Variants in GCFC2 observed in about 807,000 individuals in gnomAD.
The protein encoded by GCFC2 is intron Large complex component GCFC2.
GCFC2 carries 102 observed loss-of-function variants against 99.4 expected under a neutral mutation model. The ratio of observed to expected loss-of-function variants is 1.03; its 90% CI spans 0.87 to 1.21. The LOEUF (loss-of-function observed/expected upper bound fraction) is 1.21, where lower values mean the gene tolerates loss of function less well. GCFC2 is among the 50% of genes most tolerant of loss of function. The pLI is 0.00. For missense variants in GCFC2, 973 were observed against 920.9 expected, an observed-to-expected ratio of 1.06 and a Z score of -0.73; for synonymous variants, 338 against 316.8, an observed-to-expected ratio of 1.07 and a Z score of -0.71.
chr2:75,688,666 A>G (rs551018090), intron 10 of GCFC2, among the ~76,000 whole-genome samples: 1 of 152,132 alleles, frequency 6.6e-6, no homozygotes, highest in Non-Finnish European at 1.5e-5. Flanking sequence ...CACAACCCTA[A>G]GCAACTCTTC....
chr2:75,705,575 C>G (rs1680818611), intron 2 of GCFC2, among the ~76,000 whole-genome samples: 1 of 110,548 alleles, frequency 9.0e-6, no homozygotes, highest in Admixed American at 9.2e-5. Flanking sequence ...CCAGATTGCG[C>G]CACTGCACTC....
At chr2:75,703,957 TG>T (rs751536880) in intron 2 of GCFC2, among the ~76,000 whole-genome samples, 24 of 152,162 alleles carry the variant, frequency 1.6e-4, no homozygotes, top group Non-Finnish European at 1.9e-4. Flanking sequence ...TCACAAGCAA[TG>T]GGACACACTA....
At chr2:75,701,338 T>C (rs761952673) in intron 3 of GCFC2, 51 bp from the exon 4 acceptor site, 18 of 1,065,714 alleles carry the variant, frequency 1.7e-5, no homozygotes, top group South Asian at 5.2e-5. Context: ...TCCATTTTAA[T>C]TGCAGCAAGC....
At chr2:75,694,016 T>A (rs910834886) in intron 6 of GCFC2, among the ~76,000 whole-genome samples, 1 of 152,014 alleles carries the variant, frequency 6.6e-6, no homozygotes, top group Admixed American at 6.5e-5. Flanking sequence ...GAAGAAATTA[T>A]AACAAAAATT....
intron 6 of GCFC2, among the ~76,000 whole-genome samples, chr2:75,692,527 A>G (rs1680130053): frequency 6.6e-6 from 1 of 151,952 alleles, no homozygotes; most frequent in African/African-American, 2.4e-5. Flanking sequence ...CCTGCCTTCA[A>G]TCCCAGCTAC....
chr2:75,677,483 C>T (rs958391520), intron 12 of GCFC2, among the ~76,000 whole-genome samples: 2 of 152,104 alleles, frequency 1.3e-5, no homozygotes, highest in Non-Finnish European at 2.9e-5. Flanking sequence ...TTGTGAAGAC[C>T]GGGGAGTGCT....
rs150832153 is a variant in GCFC2, at chr2:75,673,049, G to A, written c.1889+395C>T. Among the ~76,000 whole-genome samples the A allele has an allele frequency of 8.1e-4, 123 of 152,306 alleles. 2 individuals are homozygous for A. The highest frequency in any genetic ancestry group is 1.2e-3 in the Non-Finnish European group (81 of 68,028). ...TAGTTGGCCGGGCGCGGTGGCTCAC[G>A]CCTGTAATCCCAGCACTTTGGGAGG... On this transcript the variant is annotated intron_variant, in intron 13 of 16. Coordinates refer to ENST00000321027, the MANE Select transcript of GCFC2 (RefSeq NM_003203.5).
chr2:75,667,614 C>T (rs1187313291), intron 15 of GCFC2, among the ~76,000 whole-genome samples: 1 of 152,146 alleles, frequency 6.6e-6, no homozygotes, highest in Non-Finnish European at 1.5e-5. Flanking sequence ...TTTAAAACCA[C>T]CCTTTACTAT....
chr2:75,667,444 T>C (rs1224828395), intron 15 of GCFC2, among the ~76,000 whole-genome samples: 2 of 152,184 alleles, frequency 1.3e-5, no homozygotes, highest in Non-Finnish European at 2.9e-5. Flanking sequence ...CGTTCTGGAA[T>C]GCGCTCTTTC....
In GCFC2 at chr2:75,664,536, G is replaced by C. The variant is rs1215549214; in HGVS notation, c.*130C>G. Reference sequence around the variant, plus strand: ...TAAAGCACGGGGGAATACAGAGGTGGAGTCCTGCTTTTTTTCAAATCCTAC... The same window carrying C: ...TAAAGCACGGGGGAATACAGAGGTGCAGTCCTGCTTTTTTTCAAATCCTAC... On this transcript the variant is annotated 3_prime_UTR_variant, in exon 17 of 17. Coordinates refer to ENST00000321027, the MANE Select transcript of GCFC2 (RefSeq NM_003203.5). 5.5e-6 allele frequency: 3 copies of C among 546,458 alleles called. No individual in the cohort carries two copies. Among genetic ancestry groups the C allele is most frequent in the Admixed American group, 3.3e-5 (1 of 29,996 alleles). 33.9% of individuals were successfully genotyped at this position (546,458 alleles called of 1,614,324 possible). A position where few individuals can be genotyped will look rare whatever the true frequency, so the allele number is the denominator to read the frequency against.
Position 75,682,157 on chromosome 2 carries a change from C to G in GCFC2, c.1691-1843G>C, listed in dbSNP as rs58733999. ...CCTGTGTATCCTGTCTGGGAGACACCTCCCAGTAGGGGCCGACAGACACCT... is the reference window on the plus strand; with the variant it reads ...CCTGTGTATCCTGTCTGGGAGACACGTCCCAGTAGGGGCCGACAGACACCT... On this transcript the variant is annotated intron_variant, in intron 11 of 16. Coordinates refer to ENST00000321027, the MANE Select transcript of GCFC2 (RefSeq NM_003203.5). Among the ~76,000 whole-genome samples, 1,081 of 151,952 alleles carry G rather than the reference C, an allele frequency of 7.1e-3. 39 individuals carry two copies. The highest frequency in any genetic ancestry group is 0.025 in the African/African-American group (1,034 of 41,242).
chr2:75,679,612 C>T (rs1004891363), intron 12 of GCFC2, among the ~76,000 whole-genome samples: 1 of 152,160 alleles, frequency 6.6e-6, no homozygotes, highest in Non-Finnish European at 1.5e-5. Context: ...CTACAAATAA[C>T]TAGTTAATAC....
intron 2 of GCFC2, among the ~76,000 whole-genome samples, chr2:75,703,241 G>T (rs1287307563): frequency 2.0e-5 from 3 of 152,136 alleles, no homozygotes; most frequent in Non-Finnish European, 4.4e-5. Context: ...AACAGCGAGA[G>T]AAATTTTCAC....
intron 6 of GCFC2, 30 bp from the exon 7 acceptor site, chr2:75,692,130 A>C: frequency 1.8e-6 from 2 of 1,113,380 alleles, no homozygotes; most frequent in Non-Finnish European, 2.5e-6. Context: ...AACATTTTGC[A>C]GGTCATCGAT....
Position 75,663,806 on chromosome 2 carries a change from G to A in GCFC2, c.*860C>T, listed in dbSNP as rs1382690836. On this transcript the variant is annotated 3_prime_UTR_variant, in exon 17 of 17. Transcript: ENST00000321027. ...GCCCAGAAGGCAGAGGTTGCAGTGA[G>A]CCGAGATTGTGCCACTACTCTCCAG... 1 of 152,230 alleles carries A rather than the reference G, an allele frequency of 6.6e-6. No homozygotes were observed. Among genetic ancestry groups the A allele is most frequent in the African/African-American group, 2.4e-5 (1 of 41,404 alleles). The allele number at this position is 152,230 out of a possible 1,614,324, so 9.4% of individuals were successfully genotyped here.
At chr2:75,680,610 A>T (rs1679531567) in intron 11 of GCFC2, among the ~76,000 whole-genome samples, 1 of 152,136 alleles carries the variant, frequency 6.6e-6, no homozygotes, top group Non-Finnish European at 1.5e-5. Flanking sequence ...CATTAACTTG[A>T]TCACTATACA....
rs41286005 is a variant in GCFC2, at chr2:75,690,035, G to C, written c.1273C>G (p.Gln425Glu). The change falls in exon 9 of 17, where the codon CAG becomes GAG. Residue 425 changes from glutamine to glutamate, a missense_variant. Gln to Glu is a conservative substitution (Grantham distance 29). Transcript: ENST00000321027. ...TCATCATCACTAGATGTTCCTTCCT[G>C]ATGGTTACAATTCCCAGAAAGCACC... Reference protein sequence around the residue: ...ARVLSGNCNHQEGTSSDDELP... With the variant: ...ARVLSGNCNHEEGTSSDDELP... 0.04 allele frequency: 63,769 copies of C among 1,608,130 alleles called. 1,500 individuals are homozygous for C. The highest frequency in any genetic ancestry group is 0.045 in the Non-Finnish European group (52,523 of 1,176,332).
chr2:75,692,652 A>G (rs904137770), intron 6 of GCFC2, among the ~76,000 whole-genome samples: 12 of 143,034 alleles, frequency 8.4e-5, no homozygotes, highest in Admixed American at 5.5e-4. Context: ...GTCTCAAAAG[A>G]AAAAAAAAAA....
At chr2:75,712,815 C>T (rs755460594), upstream of GCFC2, among the ~76,000 whole-genome samples, 8 of 152,278 alleles carry the variant, frequency 5.3e-5, no homozygotes, top group East Asian at 1.5e-3. Flanking sequence ...TAACGCTCAC[C>T]GCGAGGGTCC....
Sources: gnomAD v4.1 joint callset for allele counts (sites outside exome capture counted in the v4.1 genomes callset) on GRCh38, gnomAD v4.1.1 for gene constraint, MANE v1.5 for transcripts, NCBI Gene and HGNC (gene_info 2026-07-23, HGNC 2026-07-21) for gene names.